SLC22A3: variants seen among roughly 807,000 people sequenced by gnomAD.
The protein encoded by SLC22A3 is EMT organic cation transporter 3.
Under a neutral mutation model 59.1 loss-of-function variants are expected in SLC22A3, and 51 were observed. The ratio of observed to expected loss-of-function variants is 0.86; its 90% CI spans 0.69 to 1.09. The LOEUF (loss-of-function observed/expected upper bound fraction) is 1.09. SLC22A3 is among the 50% of genes least tolerant of loss of function. The pLI is 0.00. For synonymous variants in SLC22A3, 325 were observed against 292.0 expected (o/e 1.11, Z -1.15); for missense variants, 711 against 726.3 (o/e 0.98, Z 0.24).
chr6:160,420,334 G>A (rs1787676109), intron 5 of SLC22A3, among the ~76,000 whole-genome samples: 1 of 152,152 alleles, frequency 6.6e-6, no homozygotes, highest in Non-Finnish European at 1.5e-5. Flanking sequence ...GGTGAGCCAG[G>A]GCCTTTCCCC....
In SLC22A3 at chr6:160,417,647, A is replaced by AT. The variant is rs754302451; in HGVS notation, c.975+6802dup. On this transcript the variant is annotated intron_variant, in intron 5 of 10. Coordinates refer to ENST00000275300, the MANE Select transcript of SLC22A3 (RefSeq NM_021977.4). ...CTTCCTGGGTCTATAAATGTTGGGC[A>AT]TGGCAATGATATTGCTTTGGCCTCA... Among the ~76,000 whole-genome samples the AT allele has an allele frequency of 5.9e-5, 9 of 152,336 alleles. No homozygotes were observed. The East Asian group carries it at 1.3e-3, about 23-fold the overall frequency.
intron 8 of SLC22A3, among the ~76,000 whole-genome samples, chr6:160,443,100 C>T (rs772134683): frequency 6.6e-6 from 1 of 152,198 alleles, no homozygotes; most frequent in Non-Finnish European, 1.5e-5. Context: ...CACACTGTTA[C>T]GGTTTTGAGG....
At chr6:160,434,816 T>A (rs1788278016) in intron 5 of SLC22A3, among the ~76,000 whole-genome samples, 1 of 152,182 alleles carries the variant, frequency 6.6e-6, no homozygotes, top group African/African-American at 2.4e-5. Context: ...TTAGTTAAGA[T>A]CCAGGTCAAC....
At chr6:160,370,673 T>C (rs1785368180) in intron 1 of SLC22A3, among the ~76,000 whole-genome samples, 1 of 152,242 alleles carries the variant, frequency 6.6e-6, no homozygotes, top group Non-Finnish European at 1.5e-5. Context: ...TAAACTATTT[T>C]CACATTTGTT....
chr6:160,370,112 C>G (rs1482802467), intron 1 of SLC22A3, among the ~76,000 whole-genome samples: 1 of 152,202 alleles, frequency 6.6e-6, no homozygotes, highest in Admixed American at 6.5e-5. Flanking sequence ...CAGGTGTGTT[C>G]TATAATAGCT....
intron 1 of SLC22A3, among the ~76,000 whole-genome samples, chr6:160,356,578 G>A (rs1784848962): frequency 6.6e-6 from 1 of 152,230 alleles, no homozygotes; most frequent in Non-Finnish European, 1.5e-5. Context: ...GAAGGGCCTG[G>A]GCTGAGCAGC....
chr6:160,428,664 T>C (rs1050719590), intron 5 of SLC22A3, among the ~76,000 whole-genome samples: 3 of 152,202 alleles, frequency 2.0e-5, no homozygotes, highest in Admixed American at 6.5e-5. Context: ...CACTAGAAAA[T>C]GTAAATGTAC....
chr6:160,399,412 GT>G lies in SLC22A3; in HGVS notation c.533+1338del, dbSNP rs144092134. Among the ~76,000 whole-genome samples, 1,157 of 151,778 alleles carry G rather than the reference GT, an allele frequency of 7.6e-3. 11 individuals carry two copies. Among genetic ancestry groups the G allele is most frequent in the African/African-American group, 0.027 (1,117 of 41,412 alleles). On this transcript the variant is annotated intron_variant, in intron 2 of 10. Transcript: ENST00000275300. Reference sequence around the variant, plus strand: ...GGATATTAGGTTTTGCTTCATCTGTGTTTTTTTTCTCTTACTCAGTCAATAA... The same window carrying G: ...GGATATTAGGTTTTGCTTCATCTGTGTTTTTTTCTCTTACTCAGTCAATAA...
chr6:160,400,753 T>C (rs1583478898), intron 2 of SLC22A3, among the ~76,000 whole-genome samples: 3 of 151,532 alleles, frequency 2.0e-5, no homozygotes, highest in African/African-American at 7.3e-5. Context: ...AGGCTAAGAA[T>C]GTAAAACAAC....
intron 2 of SLC22A3, among the ~76,000 whole-genome samples, chr6:160,399,675 T>C (rs1329865164): frequency 6.6e-6 from 1 of 152,178 alleles, no homozygotes; most frequent in African/African-American, 2.4e-5. Flanking sequence ...AATAGGCCAT[T>C]TGTCAATGAG....
At chr6:160,398,150 T>C (rs1786591376) in intron 2 of SLC22A3, 68 bp downstream of exon 2, 9 of 1,175,410 alleles carry the variant, frequency 7.7e-6, no homozygotes, top group Non-Finnish European at 1.1e-5. Context: ...GAGAAAAATG[T>C]TTTATGTTAA....
chr6:160,356,582 G>A (rs1784849238), intron 1 of SLC22A3, among the ~76,000 whole-genome samples: 1 of 152,212 alleles, frequency 6.6e-6, no homozygotes, highest in Admixed American at 6.5e-5. Context: ...GGCCTGGGCT[G>A]AGCAGCTCCC....
intron 5 of SLC22A3, among the ~76,000 whole-genome samples, chr6:160,433,238 T>C (rs916410680): frequency 1.3e-5 from 2 of 152,216 alleles, no homozygotes; most frequent in Non-Finnish European, 2.9e-5. Context: ...ATCTAACATG[T>C]CATAATTCTG....
chr6:160,365,235 A>G (rs1426154644), intron 1 of SLC22A3, among the ~76,000 whole-genome samples: 1 of 152,186 alleles, frequency 6.6e-6, no homozygotes, highest in Admixed American at 6.5e-5. Flanking sequence ...CTCATGAGGT[A>G]AGTCATTATT....
intron 5 of SLC22A3, among the ~76,000 whole-genome samples, chr6:160,426,973 A>C (rs1787982657): frequency 6.6e-6 from 1 of 152,022 alleles, no homozygotes; most frequent in Non-Finnish European, 1.5e-5. Context: ...TAATTTTTCC[A>C]GCCCCCTCAG....
At chr6:160,420,229 A>G (rs893684173) in intron 5 of SLC22A3, among the ~76,000 whole-genome samples, 2 of 152,170 alleles carry the variant, frequency 1.3e-5, no homozygotes, top group Non-Finnish European at 2.9e-5. Flanking sequence ...ATTCAATTTA[A>G]AGGTGCTTTA....
At chr6:160,388,811 C>G (rs1786127211) in intron 1 of SLC22A3, among the ~76,000 whole-genome samples, 1 of 152,142 alleles carries the variant, frequency 6.6e-6, no homozygotes, top group Non-Finnish European at 1.5e-5. Context: ...TTATCTGCAA[C>G]AAGAATAAGT....
chr6:160,397,905 C>A, intron 1 of SLC22A3, 74 bp from the exon 2 acceptor site: 2 of 1,127,958 alleles, frequency 1.8e-6, no homozygotes, highest in South Asian at 1.2e-5. Flanking sequence ...GATCATTGAT[C>A]TATACAAAAG....
chr6:160,412,647 T>C (rs369526955), intron 5 of SLC22A3, among the ~76,000 whole-genome samples: 1 of 152,190 alleles, frequency 6.6e-6, no homozygotes, highest in Non-Finnish European at 1.5e-5. Flanking sequence ...AGTGAACACA[T>C]TTGAGCTGTG....
Sources: gnomAD v4.1 joint callset for allele counts (sites outside exome capture counted in the v4.1 genomes callset) on GRCh38, gnomAD v4.1.1 for gene constraint, MANE v1.5 for transcripts, NCBI Gene and HGNC (gene_info 2026-07-23, HGNC 2026-07-21) for gene names.